Variants in LRFN5 observed in about 807,000 individuals in gnomAD.
LRFN5 encodes leucine rich repeat and fibronectin type III domain containing 5, also known as leucine-rich repeat and fibronectin type-III domain-containing protein 5.
A neutral mutation model predicts 45.6 loss-of-function variants in LRFN5; 24 were observed. The ratio of observed to expected loss-of-function variants is 0.53; its 90% CI spans 0.38 to 0.74. The LOEUF (loss-of-function observed/expected upper bound fraction) is 0.74, where lower values mean the gene tolerates loss of function less well. Ranked by LOEUF, LRFN5 falls within the 30% of genes least tolerant of loss-of-function variation. The pLI, the probability that LRFN5 is intolerant of heterozygous loss-of-function variation, is 0.00. For synonymous variants in LRFN5, 340 were observed against 313.8 expected (o/e 1.08, Z -0.88); for missense variants, 776 against 861.5 (o/e 0.90, Z 1.24).
chr14:41,695,662 C>T (rs1451721295), intron 1 of LRFN5, among the ~76,000 whole-genome samples: 1 of 151,934 alleles, frequency 6.6e-6, no homozygotes, highest in African/African-American at 2.4e-5. Flanking sequence ...GATTATATCA[C>T]ATTTGTTTAA....
At chr14:41,625,750 T>C (rs1888309008) in intron 1 of LRFN5, among the ~76,000 whole-genome samples, 1 of 152,086 alleles carries the variant, frequency 6.6e-6, no homozygotes, top group South Asian at 2.1e-4. Context: ...ATTTTATGAA[T>C]TTTCACATGT....
At chr14:41,652,601 A>G (rs1880181924) in intron 1 of LRFN5, among the ~76,000 whole-genome samples, 1 of 151,730 alleles carries the variant, frequency 6.6e-6, no homozygotes, top group Non-Finnish European at 1.5e-5. Context: ...TTCTACTAGG[A>G]CCAGGGAAAA....
intron 1 of LRFN5, among the ~76,000 whole-genome samples, chr14:41,666,111 C>T (rs1004486099): frequency 1.3e-5 from 2 of 151,840 alleles, no homozygotes; most frequent in Admixed American, 6.6e-5. Flanking sequence ...TAAAAAGGGG[C>T]TAGAAGCAAC....
At chr14:41,877,377 A>G (rs1890221017) in intron 2 of LRFN5, among the ~76,000 whole-genome samples, 2 of 152,154 alleles carry the variant, frequency 1.3e-5, no homozygotes, top group Non-Finnish European at 2.9e-5. Flanking sequence ...GAAAGCAATG[A>G]GTATCTGGAA....
At chr14:41,742,787 CA>C in intron 1 of LRFN5, 1 of 164,126 alleles carries the variant, frequency 6.1e-6, no homozygotes, top group Admixed American at 6.3e-5. Context: ...CTTTCAAGTT[CA>C]AAACTGGTGA....
chr14:41,734,316 T>TTA (rs60855395), intron 1 of LRFN5, among the ~76,000 whole-genome samples: 1,204 of 38,778 alleles, frequency 0.031, 190 homozygotes, highest in Middle Eastern at 0.062. Flanking sequence ...TGGACTGGTT[T>TTA]TATATATATA....
intron 1 of LRFN5, among the ~76,000 whole-genome samples, chr14:41,712,466 A>G (rs1490793860): frequency 3.3e-5 from 5 of 152,184 alleles, no homozygotes; most frequent in Admixed American, 6.5e-5. Flanking sequence ...TTTTGTATCT[A>G]GATATCTTCT....
chr14:41,889,818 A>C (rs1185219721), intron 3 of LRFN5, among the ~76,000 whole-genome samples: 1 of 152,180 alleles, frequency 6.6e-6, no homozygotes. Context: ...AATAGATATC[A>C]ACAAGGAACT....
chr14:41,627,340 A>C (rs1888368771), intron 1 of LRFN5, among the ~76,000 whole-genome samples: 2 of 152,112 alleles, frequency 1.3e-5, no homozygotes, highest in South Asian at 4.1e-4. Flanking sequence ...GGAAATGAGA[A>C]ACAAGCAAAA....
chr14:41,875,910 A>G (rs1890168959), intron 2 of LRFN5, among the ~76,000 whole-genome samples: 1 of 152,220 alleles, frequency 6.6e-6, no homozygotes, highest in Admixed American at 6.5e-5. Flanking sequence ...GGTTCCCACT[A>G]TAGGCCACGT....
intron 1 of LRFN5, among the ~76,000 whole-genome samples, chr14:41,683,671 A>C (rs538412185): frequency 1.0e-3 from 154 of 152,340 alleles, no homozygotes; most frequent in African/African-American, 3.4e-3. Flanking sequence ...TCTGAAAAAA[A>C]AATCACCAAA....
At chr14:41,769,931 G>T (rs370216492) in intron 2 of LRFN5, among the ~76,000 whole-genome samples, 1 of 152,216 alleles carries the variant, frequency 6.6e-6, no homozygotes, top group African/African-American at 2.4e-5. Context: ...AATACCCAAG[G>T]CTAGGTAATT....
intron 1 of LRFN5, among the ~76,000 whole-genome samples, chr14:41,648,004 C>A (rs562538686): frequency 7.9e-5 from 12 of 152,282 alleles, no homozygotes; most frequent in African/African-American, 2.6e-4. Flanking sequence ...CAGTATATCT[C>A]TATGTAACCC....
chr14:41,901,261 T>G (rs932374853), intron 5 of LRFN5, among the ~76,000 whole-genome samples: 2 of 152,114 alleles, frequency 1.3e-5, no homozygotes, highest in Non-Finnish European at 2.9e-5. Flanking sequence ...TAAATTTTCC[T>G]TGTGTTTGGC....
chr14:41,745,777 G>T (rs1039800496), intron 1 of LRFN5, among the ~76,000 whole-genome samples: 1 of 105,720 alleles, frequency 9.5e-6, no homozygotes, highest in African/African-American at 3.4e-5. Context: ...TACATGAAAT[G>T]ACAAATTCTT....
intron 2 of LRFN5, among the ~76,000 whole-genome samples, chr14:41,800,429 T>G (rs1392073261): frequency 2.6e-5 from 4 of 151,964 alleles, no homozygotes; most frequent in Non-Finnish European, 1.5e-5. Context: ...TATTAACATA[T>G]AGGTTATCAT....
chr14:41,667,220 C>A (rs1432050942), intron 1 of LRFN5, among the ~76,000 whole-genome samples: 1 of 152,104 alleles, frequency 6.6e-6, no homozygotes, highest in South Asian at 2.1e-4. Context: ...TGTAGGCTAT[C>A]ACTCTGCTTT....
intron 2 of LRFN5, among the ~76,000 whole-genome samples, chr14:41,862,548 T>G (rs1037667488): frequency 2.0e-5 from 3 of 152,196 alleles, no homozygotes; most frequent in East Asian, 3.8e-4. Flanking sequence ...CCTATGAGCA[T>G]GCACTCGTGT....
Position 41,751,013 on chromosome 14 carries a change from C to T in LRFN5, c.-196-15841C>T, listed in dbSNP as rs1885109605. On this transcript the variant is annotated intron_variant, in intron 1 of 5. Coordinates refer to ENST00000298119, the MANE Select transcript of LRFN5 (RefSeq NM_152447.5). Reference sequence around the variant, plus strand: ...ACAGGCCCCAGTGTGTGATGTTCCCCGCCCTGTGTCCATGTGTTCTCATTG... The same window carrying T: ...ACAGGCCCCAGTGTGTGATGTTCCCTGCCCTGTGTCCATGTGTTCTCATTG... Among the ~76,000 whole-genome samples the T allele has an allele frequency of 3.3e-5, 5 of 151,962 alleles. No homozygotes were observed. The South Asian group carries it at 1.0e-3, about 32-fold the overall frequency.
Sources: allele counts gnomAD v4.1 joint callset (sites outside exome capture counted in the v4.1 genomes callset), GRCh38; gene constraint gnomAD v4.1.1; transcripts MANE v1.5; gene names NCBI Gene and HGNC (gene_info 2026-07-23, HGNC 2026-07-21).